Variants in USP24 observed in about 807,000 individuals in gnomAD.
USP24 encodes ubiquitin specific peptidase 24.
USP24 carries 97 observed loss-of-function variants against 361.6 expected under a neutral mutation model. That is an observed-to-expected ratio of 0.27 (90% CI 0.23 to 0.32). USP24 has a LOEUF of 0.32. Among genes scored for constraint, USP24 ranks in the 10% least tolerant of loss-of-function variants. The pLI is 1.00. For synonymous variants in USP24, 1,098 were observed against 1,124.6 expected, an observed-to-expected ratio of 0.98 and a Z score of 0.47; for missense variants, 2,353 against 3,165.6, an observed-to-expected ratio of 0.74 and a Z score of 6.16.
chr1:55,086,159 G>T, intron 55 of USP24, 121 bp from the exon 56 acceptor site: 1 of 879,734 alleles, frequency 1.1e-6, no homozygotes. Context: ...CAGTGTTAGC[G>T]CTTATGGGCC....
intron 55 of USP24, among the ~76,000 whole-genome samples, chr1:55,087,324 T>C (rs550567307): frequency 2.5e-4 from 38 of 152,356 alleles, no homozygotes; most frequent in Admixed American, 6.5e-4. Context: ...ACTGGGATTC[T>C]TGAGCATTAG....
At chr1:55,147,871 T>G (rs1647074473) in intron 17 of USP24, 73 bp from the exon 18 acceptor site, 1 of 1,499,906 alleles carries the variant, frequency 6.7e-7, no homozygotes, top group Non-Finnish European at 9.1e-7. Flanking sequence ...TACAAGCTGC[T>G]ATTTAAAGAT....
intron 16 of USP24, chr1:55,152,036 C>A: frequency 1.0e-6 from 1 of 973,160 alleles, no homozygotes; most frequent in Non-Finnish European, 1.2e-6. Context: ...ATTCACCCCC[C>A]TGCCTGGAGC....
intron 27 of USP24, 32 bp from the exon 28 acceptor site, chr1:55,137,720 G>C: frequency 6.3e-7 from 1 of 1,595,180 alleles, no homozygotes; most frequent in Non-Finnish European, 8.5e-7. Flanking sequence ...TTATTGAGAG[G>C]AAAAGGAAGA....
chr1:55,183,818 T>C (rs750999012), intron 1 of USP24, among the ~76,000 whole-genome samples: 14 of 152,030 alleles, frequency 9.2e-5, no homozygotes, highest in African/African-American at 2.9e-4. Flanking sequence ...AAAGATATCA[T>C]ACACACATAC....
intron 2 of USP24, among the ~76,000 whole-genome samples, chr1:55,177,383 T>C (rs1650097646): frequency 6.6e-6 from 1 of 152,202 alleles, no homozygotes; most frequent in South Asian, 2.1e-4. Context: ...TCAGACCCAC[T>C]GCCTAGCATA....
chr1:55,093,964 C>T lies in USP24; in HGVS notation c.6327G>A (p.Val2109=). ...VKKGEKKGLF[V]EKMPARIYQM... ...GGTATATTCGAGCAGGCATTTTCTC[C>T]ACAAACAGTCCTTTCTTCTCGCCTT... The change falls in exon 52 of 68, where the codon GTG becomes GTA. Residue 2109 remains valine (V), a synonymous_variant. Transcript: ENST00000294383. The T allele has an allele frequency of 6.2e-7, 1 of 1,613,694 alleles. No individual in the cohort carries two copies. Among genetic ancestry groups the T allele is most frequent in the South Asian group, 1.1e-5 (1 of 91,046 alleles).
chr1:55,209,263 CTTT>C (rs772141831), intron 1 of USP24, among the ~76,000 whole-genome samples: 1 of 151,322 alleles, frequency 6.6e-6, no homozygotes, highest in Non-Finnish European at 1.5e-5. Flanking sequence ...CCAACTTCTT[CTTT>C]TTTTTTCTTT....
chr1:55,154,767 T>C lies in USP24; in HGVS notation c.1458A>G (p.Ser486=). Residue 486 remains serine, a synonymous_variant, in exon 13 of 68, where the codon TCA becomes TCG. Coordinates refer to ENST00000294383, the MANE Select transcript of USP24 (RefSeq NM_015306.3). ...TATGAATGTTCTCAATCACAGTAGA[T>C]GATTGTCCTGACTGGAAAAGGAAAC... ...TKIWKIQSGQ[S]STVIENIHTI... is the part of the protein sequence containing the mutation. 6.2e-7 allele frequency: 1 copy of C among 1,611,208 alleles called. No individual in the cohort carries two copies. Among genetic ancestry groups the C allele is most frequent in the Middle Eastern group, 1.7e-4 (1 of 6,046 alleles).
In USP24 at chr1:55,132,688, A is replaced by G. The variant is rs780064360; in HGVS notation, c.3394T>C (p.Ser1132Pro). 1.2e-6 allele frequency: 2 copies of G among 1,613,096 alleles called. No individual in the cohort carries two copies. Among genetic ancestry groups the G allele is most frequent in the Non-Finnish European group, 1.7e-6 (2 of 1,179,446 alleles). ...TTTGAGGACTGAGAACTTGATTCAG[A>G]CAGCAATGTTTTCTAAGTTTAAGAG... ...DSLGRKKTLLSESSSQSSKSP... is the reference protein window; with the variant it reads ...DSLGRKKTLLPESSSQSSKSP... The change falls in exon 31 of 68, where the codon TCT becomes CCT. Residue 1132 changes from serine (S) to proline (P), a missense_variant. Around this residue, in one of 8 missense-constraint regions of USP24, gnomAD observed 949 missense variants for 1,280.5 expected, o/e 0.74. Transcript: ENST00000294383.
At position 55,067,778 on chromosome 1, in the gene USP24, A is replaced by G. The variant is rs1193883061; in HGVS notation, c.*1267T>C. The G allele has an allele frequency of 6.6e-6, 1 of 152,248 alleles. No homozygotes were observed. Among genetic ancestry groups the G allele is most frequent in the Non-Finnish European group, 1.5e-5 (1 of 68,048 alleles). 9.4% of individuals were successfully genotyped at this position (152,248 alleles called of 1,614,324 possible). A position where few individuals can be genotyped will look rare whatever the true frequency, so the allele number is the denominator to read the frequency against. Reference sequence around the variant, plus strand: ...CAAAACAGGGCCGAAAATGTGAGCAATTCAAAATACAAAATGTACAAAATA... The same window carrying G: ...CAAAACAGGGCCGAAAATGTGAGCAGTTCAAAATACAAAATGTACAAAATA... On this transcript the variant is annotated 3_prime_UTR_variant, in exon 68 of 68. Transcript: ENST00000294383.
Position 55,110,180 on chromosome 1 carries a change from C to T in USP24, c.4570+5G>A. 1.3e-6 allele frequency: 2 copies of T among 1,547,872 alleles called. No individual in the cohort carries two copies. The highest frequency in any genetic ancestry group is 2.4e-5 in the East Asian group (1 of 41,574). On this transcript the variant is annotated splice_donor_5th_base_variant and intron_variant, in intron 39 of 67. Coordinates refer to ENST00000294383, the MANE Select transcript of USP24 (RefSeq NM_015306.3). Reference sequence around the variant, plus strand: ...CTCTCCCCTACATATTAGTCATTTACTTACTTGTCAGATCATCTAATAACT... The same window carrying T: ...CTCTCCCCTACATATTAGTCATTTATTTACTTGTCAGATCATCTAATAACT...
chr1:55,212,772 T>C (rs74073082), intron 1 of USP24, among the ~76,000 whole-genome samples: 6,234 of 152,220 alleles, frequency 0.041, 424 homozygotes, highest in African/African-American at 0.14. Context: ...CCTCTTGAAC[T>C]CTTAAAAGTA....
Position 55,092,042 on chromosome 1 carries a change from G to T in USP24, c.6535C>A (p.Arg2179=). 2 of 1,610,314 alleles carry T rather than the reference G, an allele frequency of 1.2e-6. No homozygotes were observed. The highest frequency in any genetic ancestry group is 1.7e-5 in the Admixed American group (1 of 59,744). ...AIQFLFQTYL[R]TKKKLRVDTE... Reference sequence around the variant, plus strand: ...TCTCACCTGAGTTTCTTCTTTGTCCGTAGATAAGTTTGAAAAAGGAATTGA... The same window carrying T: ...TCTCACCTGAGTTTCTTCTTTGTCCTTAGATAAGTTTGAAAAAGGAATTGA... The change falls in exon 54 of 68, where the codon CGG becomes AGG. Residue 2179 remains arginine, a synonymous_variant. Transcript: ENST00000294383.
chr1:55,120,445 T>A (rs1646247721), intron 38 of USP24, 151 bp downstream of exon 38: 4 of 852,826 alleles, frequency 4.7e-6, no homozygotes, highest in East Asian at 2.8e-5. Flanking sequence ...AACTCTCCTA[T>A]CCAAATGCCA....
intron 31 of USP24, among the ~76,000 whole-genome samples, chr1:55,130,298 C>T (rs1646554888): frequency 6.6e-6 from 1 of 152,180 alleles, no homozygotes; most frequent in Non-Finnish European, 1.5e-5. Context: ...TCCCTTTTGT[C>T]CTAGTTTTCT....
At chr1:55,107,598 C>T (rs1645811419) in intron 39 of USP24, among the ~76,000 whole-genome samples, 168 bp from the exon 40 acceptor site, 1 of 152,058 alleles carries the variant, frequency 6.6e-6, no homozygotes, top group Non-Finnish European at 1.5e-5. Flanking sequence ...AATCCCAGCA[C>T]TTTGGGAGGC....
At chr1:55,191,734 C>T (rs1233631341) in intron 1 of USP24, among the ~76,000 whole-genome samples, 1 of 152,078 alleles carries the variant, frequency 6.6e-6, no homozygotes, top group African/African-American at 2.4e-5. Context: ...TCGTGATCTG[C>T]CCGCCTCTGG....
chr1:55,137,919 T>G lies in USP24; in HGVS notation c.2929-15A>C, dbSNP rs1447407788. Reference sequence around the variant, plus strand: ...TTACTGTGAGCCTGTAAAATAAAATTAAACACGTTGTGAGAGAATTCATTT... The same window carrying G: ...TTACTGTGAGCCTGTAAAATAAAATGAAACACGTTGTGAGAGAATTCATTT... On this transcript the variant is annotated splice_polypyrimidine_tract_variant and intron_variant, in intron 26 of 67. Coordinates refer to ENST00000294383, the MANE Select transcript of USP24 (RefSeq NM_015306.3). 1.9e-6 allele frequency: 3 copies of G among 1,561,432 alleles called. No individual in the cohort carries two copies. Among genetic ancestry groups the G allele is most frequent in the Non-Finnish European group, 2.6e-6 (3 of 1,151,172 alleles).
Sources: allele counts gnomAD v4.1 joint callset (sites outside exome capture counted in the v4.1 genomes callset), GRCh38; gene constraint gnomAD v4.1.1; regional missense constraint gnomAD v4.1.1; transcripts MANE v1.5; gene names NCBI Gene and HGNC (gene_info 2026-07-23, HGNC 2026-07-21).